Variants in ESR1 observed in about 807,000 individuals in gnomAD.
The protein encoded by ESR1 is estrogen receptor 1.
A neutral mutation model predicts 52.7 loss-of-function variants in ESR1; 12 were observed. The ratio of observed to expected loss-of-function variants is 0.23; its 90% CI spans 0.15 to 0.37. The LOEUF is 0.37. Ranked by LOEUF, ESR1 falls within the 10% of genes least tolerant of loss-of-function variation. ESR1 has a pLI of 1.00. For synonymous variants in ESR1, 305 were observed against 316.8 expected (o/e 0.96, Z 0.39); for missense variants, 584 against 779.7 (o/e 0.75, Z 2.99).
In ESR1 at chr6:152,096,416, G is replaced by A. The variant is rs145320485; in HGVS notation, c.1553+1848G>A. ...TAAACTCCCAGGCACCACCCTTTCC[G>A]GAGACAACCTTTAAAAATTATTAGC... On this transcript the variant is annotated intron_variant, in intron 7 of 7. Transcript: ENST00000206249. Among the ~76,000 whole-genome samples, 60 of 152,250 alleles carry A rather than the reference G, an allele frequency of 3.9e-4. 1 individual carries two copies. The highest frequency in any genetic ancestry group is 1.3e-3 in the East Asian group (7 of 5,186).
At chr6:151,787,098 C>T (rs561998437) in intron 2 of ESR1, among the ~76,000 whole-genome samples, 22 of 152,276 alleles carry the variant, frequency 1.4e-4, no homozygotes, top group South Asian at 6.2e-4. Context: ...CATGAGCCAC[C>T]GTGCCTGGCT....
upstream of ESR1, chr6:151,805,337 C>G (rs1424612440): frequency 6.6e-6 from 1 of 152,192 alleles, no homozygotes; most frequent in Non-Finnish European, 1.5e-5. Context: ...ATTTTGTAAA[C>G]TTGATATCCA....
At chr6:151,794,148 AAAC>A (rs1776467944) in intron 2 of ESR1, among the ~76,000 whole-genome samples, 1 of 152,236 alleles carries the variant, frequency 6.6e-6, no homozygotes, top group Non-Finnish European at 1.5e-5. Flanking sequence ...CCTAATATGA[AAAC>A]AACTCTTTGG....
chr6:151,772,584 C>T (rs1230677994), intron 2 of ESR1, among the ~76,000 whole-genome samples: 1 of 152,106 alleles, frequency 6.6e-6, no homozygotes, highest in East Asian at 1.9e-4. Context: ...ATTGAGGCCC[C>T]TTTTGAGGGG....
intron 2 of ESR1, among the ~76,000 whole-genome samples, chr6:151,759,268 CAAA>C (rs984171376): frequency 1.1e-4 from 7 of 66,426 alleles, no homozygotes; most frequent in Admixed American, 1.7e-4. Context: ...GACTCTGTCT[CAAA>C]AAAAAAAAAA....
chr6:151,723,869 T>A (rs1781643217), intron 2 of ESR1, among the ~76,000 whole-genome samples: 1 of 151,874 alleles, frequency 6.6e-6, no homozygotes. Flanking sequence ...GACTCCATCG[T>A]GGGAAAACAA....
intron 2 of ESR1, among the ~76,000 whole-genome samples, chr6:151,780,902 T>A (rs888581344): frequency 6.6e-5 from 10 of 152,244 alleles, no homozygotes; most frequent in Non-Finnish European, 1.5e-4. Flanking sequence ...TCAAACTTTT[T>A]GTACCTAGTT....
Position 152,098,921 on chromosome 6 carries a change from G to A in ESR1, c.1743G>A (p.Lys581=), listed in dbSNP as rs777514097. ...AGSTSSHSLQ[K]YYITGEAEGF... is the part of the protein sequence containing the mutation. Reference sequence around the variant, plus strand: ...CTACTTCATCGCATTCCTTGCAAAAGTATTACATCACGGGGGAGGCAGAGG... The same window carrying A: ...CTACTTCATCGCATTCCTTGCAAAAATATTACATCACGGGGGAGGCAGAGG... The change falls in exon 8 of 8, where the codon AAG becomes AAA. Residue 581 remains lysine (K), a synonymous_variant. Transcript: ENST00000206249. This position sits in a 1 kb window ranked among gnomAD's most constrained non-coding sequence, Gnocchi z 5.1. The A allele has an allele frequency of 6.2e-7, 1 of 1,614,208 alleles. No individual in the cohort carries two copies.
At chr6:152,063,552 T>C (rs1022605514) in intron 6 of ESR1, among the ~76,000 whole-genome samples, 1 of 152,186 alleles carries the variant, frequency 6.6e-6, no homozygotes, top group African/African-American at 2.4e-5. Context: ...TGTTGTAGCA[T>C]TAGGAGCCTT....
intron 3 of ESR1, among the ~76,000 whole-genome samples, chr6:151,939,082 T>C (rs2034723847): frequency 6.6e-6 from 1 of 152,200 alleles, no homozygotes; most frequent in Non-Finnish European, 1.5e-5. Context: ...ACATCTCTAT[T>C]GTGCTGTTGA....
At chr6:152,092,567 GA>G (rs1191265891) in intron 6 of ESR1, among the ~76,000 whole-genome samples, 3 of 152,234 alleles carry the variant, frequency 2.0e-5, no homozygotes, top group Admixed American at 1.3e-4. Context: ...AGGAAGGGGA[GA>G]GGGGAGGAGA....
Position 151,850,028 on chromosome 6 carries a change from T to TTA in ESR1, c.643+7254_643+7255dup, listed in dbSNP as rs528956459. Among the ~76,000 whole-genome samples the TTA allele has an allele frequency of 3.6e-3, 405 of 112,612 alleles. 8 individuals are homozygous for TTA. The highest frequency in any genetic ancestry group is 0.028 in the East Asian group (84 of 2,970). The allele number at this position is 112,612 out of a possible 152,430, so 73.9% of individuals were successfully genotyped here. On this transcript the variant is annotated intron_variant, in intron 2 of 7. Transcript: ENST00000206249. ...TATAATTTTGTATATATATACAAAA[T>TTA]TATATATATATATAATTTTATATAT...
chr6:151,661,329 A>C (rs1002501603), intron 1 of ESR1, among the ~76,000 whole-genome samples: 3 of 152,164 alleles, frequency 2.0e-5, no homozygotes, highest in Non-Finnish European at 4.4e-5. Context: ...CATGCTTTGC[A>C]CCAGGGTGTC....
chr6:151,977,272 T>C (rs184112313), intron 4 of ESR1, among the ~76,000 whole-genome samples: 42 of 151,956 alleles, frequency 2.8e-4, no homozygotes, highest in Non-Finnish European at 1.5e-5. Flanking sequence ...CGTGGTGACA[T>C]TGGGGTGACC....
intron 3 of ESR1, 60 bp from the exon 4 acceptor site, chr6:151,944,113 T>G (rs1584383208): frequency 4.1e-6 from 6 of 1,477,256 alleles, no homozygotes; most frequent in Admixed American, 1.8e-5. Context: ...GAAAATTTTT[T>G]GTATAAAAGT....
chr6:152,059,565 T>G (rs746463804), intron 5 of ESR1, among the ~76,000 whole-genome samples: 2 of 152,112 alleles, frequency 1.3e-5, no homozygotes, highest in African/African-American at 2.4e-5. Flanking sequence ...GAAAAATACG[T>G]GCAAAGGACA....
upstream of ESR1, among the ~76,000 whole-genome samples, chr6:151,689,261 T>C (rs1476009076): frequency 6.6e-6 from 1 of 152,208 alleles, no homozygotes; most frequent in African/African-American, 2.4e-5. Context: ...ACACTTGAAC[T>C]GTTCAGAGCA....
chr6:152,043,144 A>G (rs2045945894), intron 5 of ESR1, among the ~76,000 whole-genome samples: 1 of 152,210 alleles, frequency 6.6e-6, no homozygotes, highest in Non-Finnish European at 1.5e-5. Context: ...CCCAGTCTCC[A>G]TAAGCCTTTG....
rs750727154 is a variant in ESR1, at chr6:151,809,430, C to A, written c.452+1066C>A. 2.0e-5 allele frequency among the ~76,000 whole-genome samples: 3 copies of A among 152,288 alleles called. No homozygotes were observed. The East Asian group carries it at 5.8e-4, about 29-fold the overall frequency. ...ATTAGGTGGGCGCTTCTGGTGAACA[C>A]CTTCCTAGGTGGCCACAGGACAGGT... On this transcript the variant is annotated intron_variant, in intron 1 of 7. Transcript: ENST00000206249.
Sources: allele counts gnomAD v4.1 joint callset (sites outside exome capture counted in the v4.1 genomes callset), GRCh38; gene constraint gnomAD v4.1.1; non-coding constraint Gnocchi (gnomAD v3.1); transcripts MANE v1.5; gene names NCBI Gene and HGNC (gene_info 2026-07-23, HGNC 2026-07-21).